THTPA: variants seen among roughly 807,000 people sequenced by gnomAD.
THTPA encodes thiamine triphosphatase, also known as thiamine-triphosphatase.
In THTPA, 16 loss-of-function variants were observed where a neutral mutation model predicts 16.5. The observed-to-expected ratio is 0.97, with a 90% confidence interval of 0.66 to 1.47. THTPA has a LOEUF of 1.47. Among genes scored for constraint, THTPA ranks in the 40% most tolerant of loss-of-function variants. The pLI, the probability that THTPA is intolerant of heterozygous loss-of-function variation, is 0.00. For missense variants in THTPA, 281 were observed against 280.9 expected, an observed-to-expected ratio of 1.00 and a Z score of 0.00; for synonymous variants, 110 against 115.5, an observed-to-expected ratio of 0.95 and a Z score of 0.30.
chr14:23,529,544 A>C, the THTPA span: 3 of 695,266 alleles, frequency 4.3e-6, no homozygotes, highest in East Asian at 8.4e-5. Flanking sequence ...TCTGCCCCCG[A>C]AAGTGCTGAA....
chr14:23,558,544 A>C, intron 1 of THTPA, 151 bp from the exon 2 acceptor site: 1 of 959,642 alleles, frequency 1.0e-6, no homozygotes, highest in Non-Finnish European at 1.6e-6. Context: ...CAGGGAGTGG[A>C]CTAGTGTGTT....
chr14:23,528,798 C>A, the THTPA span: 1 of 985,436 alleles, frequency 1.0e-6, no homozygotes, highest in South Asian at 4.7e-5. Flanking sequence ...AGCCACACTT[C>A]CAGAGGGGTG....
the THTPA span, chr14:23,531,468 C>G: frequency 2.9e-6 from 4 of 1,397,562 alleles, no homozygotes; most frequent in Non-Finnish European, 3.7e-6. Flanking sequence ...TTCTCCAGTC[C>G]CTTCTTCCTC....
the THTPA span, chr14:23,525,002 C>T: frequency 2.1e-5 from 32 of 1,536,032 alleles, no homozygotes; most frequent in Middle Eastern, 1.7e-4. This position sits in a 1 kb window ranked among gnomAD's most constrained non-coding sequence, Gnocchi z 5.9. Flanking sequence ...TGCTTTCTGG[C>T]GGGCATTCTG....
At chr14:23,535,740 G>A in the THTPA span, among the ~76,000 whole-genome samples, 1 of 151,900 alleles carries the variant, frequency 6.6e-6, no homozygotes, top group Non-Finnish European at 1.5e-5. The surrounding 1 kb of genome is among the most constrained non-coding windows in gnomAD (Gnocchi z 4.5). Flanking sequence ...TTACAGGCTT[G>A]TGCCACCACA....
chr14:23,532,150 C>A, the THTPA span: 1 of 168,956 alleles, frequency 5.9e-6, no homozygotes, highest in South Asian at 2.0e-4. Context: ...CTTCCTGCTC[C>A]TGAAACCCCC....
chr14:23,544,283 G>GAAAAAAAAAAAAA, the THTPA span: 1 of 71,420 alleles, frequency 1.4e-5, no homozygotes, highest in Admixed American at 1.7e-4. Flanking sequence ...ACAGAAAACA[G>GAAAAAAAAAAAAA]AAAAAAAAAA....
At chr14:23,532,294 G>A in the THTPA span, 2 of 357,598 alleles carry the variant, frequency 5.6e-6, no homozygotes, top group Non-Finnish European at 9.9e-6. Context: ...CTGGTGACAT[G>A]ACAAACTGAG....
the THTPA span, chr14:23,521,130 A>AAAG: frequency 6.6e-6 from 1 of 152,204 alleles, no homozygotes; most frequent in Admixed American, 6.5e-5. Context: ...CTCTGTGTTT[A>AAAG]AAGCCTTTGA....
chr14:23,555,049 G>A (rs1488997145), upstream of THTPA, among the ~76,000 whole-genome samples: 14 of 152,222 alleles, frequency 9.2e-5, no homozygotes, highest in South Asian at 2.1e-4. Flanking sequence ...GTGCAGTGGC[G>A]CCATCTCAGC....
chr14:23,535,223 C>T, the THTPA span: 1 of 1,525,348 alleles, frequency 6.6e-7, no homozygotes, highest in Non-Finnish European at 8.8e-7. The surrounding 1 kb of genome is among the most constrained non-coding windows in gnomAD (Gnocchi z 4.5). Flanking sequence ...GTGACAGGAT[C>T]AGAGGGGGTG....
At position 23,559,877 on chromosome 14, in the gene THTPA, G is replaced by T. The variant is rs777682482; in HGVS notation, c.*1037G>T. On this transcript the variant is annotated 3_prime_UTR_variant, in exon 2 of 2. Coordinates refer to ENST00000288014, the MANE Select transcript of THTPA (RefSeq NM_024328.6). ...TAGGAATAGGAGAGCAGGGACCAGG[G>T]TTAGCACCCACGGCTTCTTCTATCC... 3 of 1,613,374 alleles carry T rather than the reference G, an allele frequency of 1.9e-6. No homozygotes were observed. Among genetic ancestry groups the T allele is most frequent in the Non-Finnish European group, 2.5e-6 (3 of 1,179,492 alleles).
At chr14:23,526,386 C>G in the THTPA span, 1 of 1,536,252 alleles carries the variant, frequency 6.5e-7, no homozygotes, top group South Asian at 1.2e-5. Context: ...CGGGCAGGGT[C>G]GAGAAACTTG....
the THTPA span, among the ~76,000 whole-genome samples, chr14:23,541,486 C>T: frequency 2.0e-5 from 3 of 151,974 alleles, no homozygotes; most frequent in Non-Finnish European, 4.4e-5. Flanking sequence ...AGAGCTTCTC[C>T]ATGTTGGTCA....
chr14:23,553,240 C>T (rs966651331), upstream of THTPA, among the ~76,000 whole-genome samples: 1 of 152,208 alleles, frequency 6.6e-6, no homozygotes, highest in Non-Finnish European at 1.5e-5. Flanking sequence ...TGAGTTTATA[C>T]TATGTGACAG....
chr14:23,553,966 A>G (rs1882156724), upstream of THTPA, among the ~76,000 whole-genome samples: 2 of 136,848 alleles, frequency 1.5e-5, no homozygotes, highest in South Asian at 5.0e-4. Context: ...CAGGAGGCTG[A>G]GGCGGGAGAA....
the THTPA span, chr14:23,522,511 C>A: frequency 2.6e-6 from 4 of 1,531,610 alleles, no homozygotes; most frequent in Non-Finnish European, 2.6e-6. Context: ...CAATGAGGGT[C>A]TGAGGTATCA....
chr14:23,553,459 C>T (rs1317265620), upstream of THTPA, among the ~76,000 whole-genome samples: 10 of 151,930 alleles, frequency 6.6e-5, no homozygotes, highest in African/African-American at 2.4e-4. Flanking sequence ...ATTAGCTGGG[C>T]GTGGTGGTGG....
chr14:23,530,282 A>T, the THTPA span: 2 of 1,039,816 alleles, frequency 1.9e-6, no homozygotes, highest in Non-Finnish European at 2.9e-6. Context: ...ACAAGCAGCC[A>T]GTCAATGAAG....
Sources: allele counts gnomAD v4.1 joint callset (sites outside exome capture counted in the v4.1 genomes callset), GRCh38; gene constraint gnomAD v4.1.1; non-coding constraint Gnocchi (gnomAD v3.1); transcripts MANE v1.5; gene names NCBI Gene and HGNC (gene_info 2026-07-23, HGNC 2026-07-21).